The following R3HDM2 variants were observed in gnomAD, a reference collection of about 807,000 sequenced individuals.
R3HDM2 encodes R3H domain-containing protein 2.
Under a neutral mutation model 124.5 loss-of-function variants are expected in R3HDM2, and 38 were observed. That is an observed-to-expected ratio of 0.31 (90% CI 0.24 to 0.40). R3HDM2 has a LOEUF of 0.40. Among genes scored for constraint, R3HDM2 ranks in the 10% least tolerant of loss-of-function variants. The pLI, the probability that R3HDM2 is intolerant of heterozygous loss-of-function variation, is 1.00. For missense variants in R3HDM2, 869 were observed against 1,236.9 expected, an observed-to-expected ratio of 0.70 and a Z score of 4.46; for synonymous variants, 391 against 448.0, an observed-to-expected ratio of 0.87 and a Z score of 1.61.
At chr12:57,288,371 C>T (rs1328568962) in intron 12 of R3HDM2, among the ~76,000 whole-genome samples, 1 of 150,056 alleles carries the variant, frequency 6.7e-6, no homozygotes, top group Non-Finnish European at 1.5e-5. Flanking sequence ...TAAAGGTGTC[C>T]GTATATGTCT....
At chr12:57,282,019 G>GA (rs2137968808) in intron 13 of R3HDM2, among the ~76,000 whole-genome samples, 1 of 152,218 alleles carries the variant, frequency 6.6e-6, no homozygotes, top group Admixed American at 6.6e-5. Flanking sequence ...CCATATTCAA[G>GA]AAATGGTTGG....
At chr12:57,300,309 C>A in intron 4 of R3HDM2, 128 bp from the exon 5 acceptor site, 4 of 734,392 alleles carry the variant, frequency 5.4e-6, no homozygotes, top group Non-Finnish European at 8.9e-6. Flanking sequence ...TTGCTGTTTC[C>A]ATTAAACAGG....
intron 7 of R3HDM2, chr12:57,297,723 A>T (rs964991221): frequency 5.7e-6 from 2 of 352,464 alleles, no homozygotes; most frequent in African/African-American, 4.3e-5. Context: ...AAACAATTTT[A>T]AAGGAATTAT....
At chr12:57,273,559 T>C (rs1256039692) in intron 14 of R3HDM2, among the ~76,000 whole-genome samples, 1 of 152,184 alleles carries the variant, frequency 6.6e-6, no homozygotes, top group Non-Finnish European at 1.5e-5. Context: ...TATAGGGAGA[T>C]ATAACTTGTA....
chr12:57,346,252 T>A (rs2060080996), intron 2 of R3HDM2, among the ~76,000 whole-genome samples: 1 of 150,182 alleles, frequency 6.7e-6, no homozygotes, highest in East Asian at 1.9e-4. Flanking sequence ...AGGCTAGGAG[T>A]TCGAGACCAG....
At chr12:57,303,793 C>T (rs993552675) in intron 3 of R3HDM2, among the ~76,000 whole-genome samples, 7 of 151,362 alleles carry the variant, frequency 4.6e-5, no homozygotes, top group Non-Finnish European at 7.4e-5. Flanking sequence ...AAAAACCAAA[C>T]AACAAAAACC....
chr12:57,302,065 G>A (rs2051308671), intron 4 of R3HDM2, among the ~76,000 whole-genome samples: 2 of 151,924 alleles, frequency 1.3e-5, no homozygotes, highest in Non-Finnish European at 2.9e-5. Flanking sequence ...TGGATCGCTT[G>A]AGCCCAGGAG....
chr12:57,412,485 C>T (rs191828672), intron 1 of R3HDM2, among the ~76,000 whole-genome samples: 2 of 151,882 alleles, frequency 1.3e-5, no homozygotes, highest in South Asian at 2.1e-4. Context: ...GAGGCTGCAA[C>T]GAGCCAAGAT....
chr12:57,398,771 G>T (rs1381512866), intron 1 of R3HDM2, among the ~76,000 whole-genome samples: 1 of 152,132 alleles, frequency 6.6e-6, no homozygotes, highest in African/African-American at 2.4e-5. Context: ...TTAGAGGCGT[G>T]AGCCACCGCA....
intron 2 of R3HDM2, among the ~76,000 whole-genome samples, chr12:57,362,524 T>C (rs1344489310): frequency 1.3e-5 from 2 of 152,222 alleles, no homozygotes; most frequent in Non-Finnish European, 1.5e-5. Flanking sequence ...TAGTCAACAG[T>C]AGACGATTAA....
In R3HDM2 at chr12:57,373,246, A is replaced by G. The variant is rs766807186; in HGVS notation, c.-36+22503T>C. 1.7e-4 allele frequency among the ~76,000 whole-genome samples: 26 copies of G among 152,206 alleles called. 1 individual carries two copies. Among genetic ancestry groups the G allele is most frequent in the South Asian group, 4.2e-4 (2 of 4,818 alleles). ...CCGGGCGCGGTGGCTCACGCCTGTA[A>G]TCTCAGCACTTTGGGAGGCCAATGC... On this transcript the variant is annotated intron_variant, in intron 2 of 23. Coordinates refer to ENST00000402412, the MANE Select transcript of R3HDM2 (RefSeq NM_001394031.1).
Position 57,269,378 on chromosome 12 carries a change from C to A in R3HDM2, c.1659G>T (p.Pro553=). 1.2e-6 allele frequency: 2 copies of A among 1,613,970 alleles called. No homozygotes were observed. Among genetic ancestry groups the A allele is most frequent in the Non-Finnish European group, 1.7e-6 (2 of 1,179,994 alleles). ...SNQQYRPLSH[P]VAYSPQRGQQ... The stretch of plus-strand genomic sequence containing the variant: ...GACCACGTTGGGGGCTATAGGCCAC[C>A]GGGTGAGAGAGAGGTCGATATTGCT... Residue 553 remains proline, a synonymous_variant, in exon 16 of 24, where the codon CCG becomes CCT. Transcript: ENST00000402412.
chr12:57,355,938 T>G (rs185421458), intron 2 of R3HDM2, among the ~76,000 whole-genome samples: 1 of 152,334 alleles, frequency 6.6e-6, no homozygotes, highest in African/African-American at 2.4e-5. Flanking sequence ...CTTTGTAACC[T>G]GAATCCTTCC....
chr12:57,255,919 A>T, intron 23 of R3HDM2, 71 bp downstream of exon 23: 1 of 1,402,932 alleles, frequency 7.1e-7, no homozygotes, highest in Non-Finnish European at 9.9e-7. Flanking sequence ...TTTCCCACCC[A>T]TGCTGGACTG....
In R3HDM2 at chr12:57,290,861, C is replaced by T. The variant is rs189844017; in HGVS notation, c.906+1711G>A. On this transcript the variant is annotated intron_variant, in intron 11 of 23. Transcript: ENST00000402412. ...TCCCGAGCTCAGGTGATCCACCTGCCTCGGCCTCCCAGAGTGCTGGGATTA... is the reference window on the plus strand; with the variant it reads ...TCCCGAGCTCAGGTGATCCACCTGCTTCGGCCTCCCAGAGTGCTGGGATTA... Among the ~76,000 whole-genome samples the T allele has an allele frequency of 2.3e-3, 351 of 152,278 alleles. 4 individuals carry two copies. The highest frequency in any genetic ancestry group is 3.9e-3 in the Admixed American group (60 of 15,296).
chr12:57,405,221 C>T (rs576246388), intron 1 of R3HDM2, among the ~76,000 whole-genome samples: 7 of 151,976 alleles, frequency 4.6e-5, no homozygotes, highest in Non-Finnish European at 1.0e-4. Context: ...TGTAGAAATG[C>T]GGGTCTCACT....
chr12:57,385,840 A>T (rs2138486458), intron 2 of R3HDM2, among the ~76,000 whole-genome samples: 1 of 152,316 alleles, frequency 6.6e-6, no homozygotes, highest in South Asian at 2.1e-4. Flanking sequence ...CTTTCATGGA[A>T]ACTACATGGT....
At chr12:57,320,755 G>A (rs563614145) in intron 2 of R3HDM2, among the ~76,000 whole-genome samples, 1 of 152,226 alleles carries the variant, frequency 6.6e-6, no homozygotes, top group South Asian at 2.1e-4. Flanking sequence ...ATAATAGAGT[G>A]AGATTATATA....
chr12:57,421,238 G>A (rs1156318455), intron 1 of R3HDM2, among the ~76,000 whole-genome samples: 4 of 135,404 alleles, frequency 3.0e-5, no homozygotes, highest in East Asian at 2.1e-4. Flanking sequence ...AGCAACCTCC[G>A]CCTACTAGAT....
Sources: allele counts gnomAD v4.1 joint callset (sites outside exome capture counted in the v4.1 genomes callset), GRCh38; gene constraint gnomAD v4.1.1; transcripts MANE v1.5; gene names NCBI Gene and HGNC (gene_info 2026-07-23, HGNC 2026-07-21).